Variants in STXBP5L observed in about 807,000 individuals in gnomAD.
STXBP5L encodes syntaxin-binding protein 5-like.
A neutral mutation model predicts 144.5 loss-of-function variants in STXBP5L; 65 were observed. That is an observed-to-expected ratio of 0.45 (90% CI 0.37 to 0.55). The LOEUF (loss-of-function observed/expected upper bound fraction) is 0.55. Ranked by LOEUF, STXBP5L falls within the 20% of genes least tolerant of loss-of-function variation. The pLI is 0.00. For synonymous variants in STXBP5L, 505 were observed against 469.6 expected (o/e 1.08, Z -0.97); for missense variants, 1,298 against 1,405.5 (o/e 0.92, Z 1.22).
At chr3:120,948,207 A>C (rs1208908249) in intron 2 of STXBP5L, among the ~76,000 whole-genome samples, 1 of 151,462 alleles carries the variant, frequency 6.6e-6, no homozygotes, top group Non-Finnish European at 1.5e-5. Context: ...AATGATGTTG[A>C]GGATCTTTCG....
chr3:121,104,377 C>T (rs922081846), intron 5 of STXBP5L, among the ~76,000 whole-genome samples: 2 of 152,104 alleles, frequency 1.3e-5, no homozygotes, highest in African/African-American at 4.8e-5. Context: ...CATCATTCTT[C>T]ACAGAACTAG....
chr3:121,185,404 T>C (rs979632606), intron 9 of STXBP5L, among the ~76,000 whole-genome samples: 1 of 152,190 alleles, frequency 6.6e-6, no homozygotes, highest in Non-Finnish European at 1.5e-5. Flanking sequence ...TTGCCTAGGT[T>C]TTCTTCTAGG....
chr3:121,288,559 T>C (rs1054087262), intron 19 of STXBP5L, among the ~76,000 whole-genome samples: 1 of 152,168 alleles, frequency 6.6e-6, no homozygotes. Flanking sequence ...TGGTATCTCA[T>C]TGTGGTTTTG....
At chr3:121,082,563 T>C (rs953713194) in intron 5 of STXBP5L, among the ~76,000 whole-genome samples, 2 of 152,234 alleles carry the variant, frequency 1.3e-5, no homozygotes, top group African/African-American at 2.4e-5. Context: ...TTAAATACTC[T>C]GCTCTGACCA....
chr3:121,421,659 T>A lies in STXBP5L; in HGVS notation c.*2562T>A, dbSNP rs930197962. 1 of 152,202 alleles carries A rather than the reference T, an allele frequency of 6.6e-6. No homozygotes were observed. The highest frequency in any genetic ancestry group is 2.4e-5 in the African/African-American group (1 of 41,466). The allele number at this position is 152,202 out of a possible 1,614,324, so 9.4% of individuals were successfully genotyped here. A position where few individuals can be genotyped will look rare whatever the true frequency, so the allele number is the denominator to read the frequency against. Reference sequence around the variant, plus strand: ...CATGTGTGGTTCATATGCAATAAGATACAATTTTGAAGAAAGCTTATAGGA... The same window carrying A: ...CATGTGTGGTTCATATGCAATAAGAAACAATTTTGAAGAAAGCTTATAGGA... On this transcript the variant is annotated 3_prime_UTR_variant, in exon 27 of 27. Coordinates refer to ENST00000471454, the MANE Select transcript of STXBP5L (RefSeq NM_001308330.2).
chr3:120,934,883 C>T (rs989017017), intron 2 of STXBP5L, among the ~76,000 whole-genome samples: 1 of 151,802 alleles, frequency 6.6e-6, no homozygotes, highest in Non-Finnish European at 1.5e-5. Context: ...CAGTCTGTGT[C>T]TTTATATTAA....
intron 3 of STXBP5L, among the ~76,000 whole-genome samples, chr3:120,987,996 G>C (rs901668619): frequency 6.6e-6 from 1 of 151,186 alleles, no homozygotes; most frequent in South Asian, 2.1e-4. Flanking sequence ...GGACTATTTT[G>C]TTTGTTGCCT....
chr3:121,158,284 T>C (rs2046191869), intron 9 of STXBP5L: 1 of 152,186 alleles, frequency 6.6e-6, no homozygotes, highest in African/African-American at 2.4e-5. Flanking sequence ...ATCTGAGTTC[T>C]ATGTTTACCT....
chr3:121,295,606 C>T (rs1577386362), intron 19 of STXBP5L, among the ~76,000 whole-genome samples: 1 of 152,006 alleles, frequency 6.6e-6, no homozygotes, highest in South Asian at 2.1e-4. Context: ...ATTTTCTTGA[C>T]GTTAGTTAAT....
chr3:120,928,881 G>A (rs890491338), intron 2 of STXBP5L, among the ~76,000 whole-genome samples: 3 of 151,968 alleles, frequency 2.0e-5, no homozygotes, highest in African/African-American at 7.3e-5. Flanking sequence ...TTTGTTATGT[G>A]GAAATTAACA....
Position 121,223,003 on chromosome 3 carries a change from C to T in STXBP5L, c.957C>T (p.Ser319=), listed in dbSNP as rs752443334. Residue 319 remains serine, a splice_region_variant and synonymous_variant, in exon 11 of 27, where the codon AGC becomes AGT. Coordinates refer to ENST00000471454, the MANE Select transcript of STXBP5L (RefSeq NM_001308330.2). The part of the protein sequence containing the change: ...LKVEYKTCKN[S]EPFIIFSGGL... ...CTCATTCATGTTTTTTCCTATGTAG[C>T]GAACCATTCATAATATTCTCTGGTG... The T allele has an allele frequency of 2.9e-5, 46 of 1,596,322 alleles. No homozygotes were observed. The African/African-American group carries it at 3.0e-4, about 10-fold the overall frequency.
chr3:121,300,601 T>A (rs1222837186), intron 19 of STXBP5L, among the ~76,000 whole-genome samples: 2 of 152,092 alleles, frequency 1.3e-5, no homozygotes, highest in African/African-American at 4.8e-5. Context: ...ATGCACATTA[T>A]AATCCCTAGA....
At chr3:120,988,621 G>A (rs1053635423) in intron 3 of STXBP5L, among the ~76,000 whole-genome samples, 2 of 152,070 alleles carry the variant, frequency 1.3e-5, no homozygotes. Context: ...AATAGATACT[G>A]TTGGTTGATT....
At chr3:121,402,782 T>C (rs1333128032) in intron 22 of STXBP5L, among the ~76,000 whole-genome samples, 1 of 152,122 alleles carries the variant, frequency 6.6e-6, no homozygotes, top group Non-Finnish European at 1.5e-5. Context: ...GGACAACAAT[T>C]GCATATTTTC....
chr3:121,027,824 C>A (rs982328854), intron 3 of STXBP5L, among the ~76,000 whole-genome samples: 1 of 152,058 alleles, frequency 6.6e-6, no homozygotes, highest in Admixed American at 6.6e-5. Context: ...ACATGGACAT[C>A]TTCAGGGCTG....
intron 5 of STXBP5L, among the ~76,000 whole-genome samples, chr3:121,057,855 TTC>T (rs1241130549): frequency 1.1e-4 from 16 of 152,208 alleles, no homozygotes; most frequent in Non-Finnish European, 1.6e-4. Context: ...CTATCTCTCA[TTC>T]TCTGTCTCTC....
intron 3 of STXBP5L, among the ~76,000 whole-genome samples, chr3:121,012,278 G>C (rs943580670): frequency 3.3e-5 from 5 of 151,692 alleles, no homozygotes; most frequent in Non-Finnish European, 7.4e-5. Context: ...ATGAACATTT[G>C]TGCACAGGCT....
intron 5 of STXBP5L, among the ~76,000 whole-genome samples, chr3:121,101,709 C>G (rs1252524841): frequency 1.3e-5 from 2 of 151,838 alleles, no homozygotes; most frequent in African/African-American, 2.4e-5. Context: ...TCTTATTCAA[C>G]ATAGTACTGG....
chr3:120,985,359 A>T (rs1013617450), intron 3 of STXBP5L, among the ~76,000 whole-genome samples: 3 of 152,090 alleles, frequency 2.0e-5, no homozygotes, highest in African/African-American at 7.2e-5. Flanking sequence ...GTATGTATAC[A>T]TGGCAAAATG....
Sources: allele counts gnomAD v4.1 joint callset (sites outside exome capture counted in the v4.1 genomes callset), GRCh38; gene constraint gnomAD v4.1.1; transcripts MANE v1.5; gene names NCBI Gene and HGNC (gene_info 2026-07-23, HGNC 2026-07-21).